SLC14A2: variants seen among roughly 807,000 people sequenced by gnomAD.
SLC14A2 encodes the protein urea transporter 2.
In SLC14A2, 91 loss-of-function variants were observed where a neutral mutation model predicts 104.6. That is an observed-to-expected ratio of 0.87 (90% confidence interval 0.73 to 1.04). SLC14A2 has a LOEUF of 1.04. Among genes scored for constraint, SLC14A2 ranks in the 50% least tolerant of loss-of-function variants. SLC14A2 has a pLI of 0.00. For missense variants in SLC14A2, 1,189 were observed against 1,156.0 expected (o/e 1.03, Z -0.41); for synonymous variants, 476 against 466.4 (o/e 1.02, Z -0.27).
Position 45,426,629 on chromosome 18 carries a change from TA to T in SLC14A2, c.-124-56603del, listed in dbSNP as rs1568196876. Among the ~76,000 whole-genome samples, 22 of 148,548 alleles carry T rather than the reference TA, an allele frequency of 1.5e-4. 1 individual carries two copies. In the South Asian group the frequency reaches 3.6e-3, roughly 24 times the overall value. ...TGTACTATATATATACACATATATATACTATATATCTATATACATATATACA... is the reference window on the plus strand; with the variant it reads ...TGTACTATATATATACACATATATATCTATATATCTATATACATATATACA... On this transcript the variant is annotated intron_variant, in intron 1 of 20. Transcript: ENST00000586448.
At chr18:45,528,184 G>A (rs201489242) in intron 2 of SLC14A2, 1 of 9,942 alleles carries the variant, frequency 1.0e-4, no homozygotes, top group African/African-American at 2.6e-4. Context: ...TGTGTGTGCG[G>A]GGGGGGGGGG....
chr18:45,226,489 A>T (rs190592085), intron 1 of SLC14A2, among the ~76,000 whole-genome samples: 4 of 152,276 alleles, frequency 2.6e-5, no homozygotes, highest in Non-Finnish European at 4.4e-5. Flanking sequence ...CTATGCAGCC[A>T]TAAAAAAGGA....
intron 2 of SLC14A2, among the ~76,000 whole-genome samples, chr18:45,495,170 T>G (rs1392338704): frequency 1.3e-5 from 2 of 152,002 alleles, no homozygotes; most frequent in Non-Finnish European, 2.9e-5. Flanking sequence ...ATGAGTGAAT[T>G]TGGATGCAGG....
At chr18:45,470,145 G>C (rs999615474) in intron 1 of SLC14A2, among the ~76,000 whole-genome samples, 1 of 151,762 alleles carries the variant, frequency 6.6e-6, no homozygotes, top group Non-Finnish European at 1.5e-5. Flanking sequence ...TGTTTTTTTG[G>C]TGCATAAATA....
rs536568160 is a variant in SLC14A2 at position 45,244,261 on chromosome 18, C to T, written c.-125+31070C>T. Among the ~76,000 whole-genome samples, 101 of 152,168 alleles carry T rather than the reference C, an allele frequency of 6.6e-4. 1 individual carries two copies. The highest frequency in any genetic ancestry group is 1.1e-3 in the Non-Finnish European group (76 of 68,018). Reference sequence around the variant, plus strand: ...TAACAATGATTCTGAGTCTGCTGGTCACTATTTTATTTGTTCAGTTTTAGA... The same window carrying T: ...TAACAATGATTCTGAGTCTGCTGGTTACTATTTTATTTGTTCAGTTTTAGA... On this transcript the variant is annotated intron_variant, in intron 1 of 20. Coordinates refer to the SLC14A2 transcript ENST00000586448.
At position 45,244,563 on chromosome 18, in the gene SLC14A2, T is replaced by A. The variant is rs367842957; in HGVS notation, c.-125+31372T>A. On this transcript the variant is annotated intron_variant, in intron 1 of 20. Transcript: ENST00000586448. ...ATCACTTGAACCCAGGAGGCAGAGG[T>A]TGCAATGAGCTGAGATTGTCCTACT... Among the ~76,000 whole-genome samples, 59 of 151,810 alleles carry A rather than the reference T, an allele frequency of 3.9e-4. No homozygotes were observed. The East Asian group carries it at 6.2e-3, about 16-fold the overall frequency.
At chr18:45,636,947 C>T (rs1378267701) in intron 5 of SLC14A2, 43 bp from the exon 6 acceptor site, 1 of 1,520,418 alleles carries the variant, frequency 6.6e-7, no homozygotes, top group East Asian at 2.3e-5. Context: ...ATGTAGACCT[C>T]AGGATGTCAC....
intron 1 of SLC14A2, among the ~76,000 whole-genome samples, chr18:45,264,137 C>T (rs2084567954): frequency 6.6e-6 from 1 of 152,186 alleles, no homozygotes; most frequent in East Asian, 1.9e-4. Flanking sequence ...CATCTATCTT[C>T]TGTCTAACTA....
intron 1 of SLC14A2, among the ~76,000 whole-genome samples, chr18:45,229,150 G>A (rs867337944): frequency 1.3e-5 from 2 of 152,128 alleles, no homozygotes; most frequent in Non-Finnish European, 2.9e-5. Flanking sequence ...AATAAAATAC[G>A]TTCAAGGACA....
At chr18:45,306,195 G>A (rs1212003761) in intron 1 of SLC14A2, among the ~76,000 whole-genome samples, 1 of 152,116 alleles carries the variant, frequency 6.6e-6, no homozygotes, top group African/African-American at 2.4e-5. Flanking sequence ...GCAGTGAGAG[G>A]GAATGTTGGG....
At chr18:45,617,084 G>A (rs2045084558) in intron 1 of SLC14A2, among the ~76,000 whole-genome samples, 1 of 152,066 alleles carries the variant, frequency 6.6e-6, no homozygotes, top group Non-Finnish European at 1.5e-5. Flanking sequence ...GGCAACAGTG[G>A]AGACTCCATC....
rs577254971 is a variant in SLC14A2 at position 45,346,409 on chromosome 18, G to A, written c.-125+133218G>A. On this transcript the variant is annotated intron_variant, in intron 1 of 20. Transcript: ENST00000586448. ...TGACCTCAGGGGACCTACCCGCCTC[G>A]GCCTCCCAAAGTGCTGGGATTACAG... 3.3e-5 allele frequency among the ~76,000 whole-genome samples: 5 copies of A among 152,142 alleles called. No homozygotes were observed. In the East Asian group the frequency reaches 5.8e-4, roughly 18 times the overall value.
At chr18:45,624,312 T>C (rs573684208) in intron 1 of SLC14A2, among the ~76,000 whole-genome samples, 2 of 152,174 alleles carry the variant, frequency 1.3e-5, no homozygotes, top group African/African-American at 4.8e-5. Context: ...ACTACCACAA[T>C]AGGACGGCAC....
At chr18:45,523,493 CTTTTTTTT>C (rs571753663) in intron 2 of SLC14A2, among the ~76,000 whole-genome samples, 12 of 119,088 alleles carry the variant, frequency 1.0e-4, no homozygotes, top group African/African-American at 3.7e-4. Context: ...CCACACCCAG[CTTTTTTTT>C]TTTTTTTTTT....
chr18:45,284,495 T>C (rs1194901429), intron 1 of SLC14A2, among the ~76,000 whole-genome samples: 2 of 152,118 alleles, frequency 1.3e-5, no homozygotes, highest in Non-Finnish European at 2.9e-5. Context: ...TGCCCTGGGC[T>C]CCAACTCCCA....
At chr18:45,274,129 G>A (rs1267735006) in intron 1 of SLC14A2, among the ~76,000 whole-genome samples, 1 of 152,110 alleles carries the variant, frequency 6.6e-6, no homozygotes, top group Non-Finnish European at 1.5e-5. Context: ...GACCAACAAT[G>A]ACACCCACAA....
the SLC14A2 span, among the ~76,000 whole-genome samples, chr18:45,188,522 C>T: frequency 6.6e-6 from 1 of 152,306 alleles, no homozygotes; most frequent in Admixed American, 6.5e-5. Flanking sequence ...TCTCTGTATT[C>T]CAGCTATTTG....
At chr18:45,293,352 G>A (rs1168801113) in intron 1 of SLC14A2, among the ~76,000 whole-genome samples, 1 of 152,000 alleles carries the variant, frequency 6.6e-6, no homozygotes, top group African/African-American at 2.4e-5. Flanking sequence ...CAGGTACTGG[G>A]GGAAAAGTGG....
intron 2 of SLC14A2, among the ~76,000 whole-genome samples, chr18:45,601,378 T>A (rs756807435): frequency 1.4e-4 from 21 of 152,196 alleles, no homozygotes; most frequent in Non-Finnish European, 1.9e-4. Flanking sequence ...CTCTCTGTCA[T>A]CTCCTCCTTT....
Sources: gnomAD v4.1 joint callset for allele counts (sites outside exome capture counted in the v4.1 genomes callset) on GRCh38, gnomAD v4.1.1 for gene constraint, MANE v1.5 for transcripts, NCBI Gene and HGNC (gene_info 2026-07-23, HGNC 2026-07-21) for gene names.